Variants in MALRD1 observed in about 807,000 individuals in gnomAD.
MALRD1 encodes MAM and LDL-receptor class A domain-containing protein 1.
Under a neutral mutation model 242.1 loss-of-function variants are expected in MALRD1, and 247 were observed. That is an observed-to-expected ratio of 1.02 (90% CI 0.92 to 1.13). The LOEUF is 1.13. Ranked by LOEUF, MALRD1 falls within the 50% of genes most tolerant of loss-of-function variation. MALRD1 has a pLI of 0.00. For missense variants in MALRD1, 2,989 were observed against 2,533.1 expected, an observed-to-expected ratio of 1.18 and a Z score of -3.86; for synonymous variants, 995 against 866.6, an observed-to-expected ratio of 1.15 and a Z score of -2.60.
intron 33 of MALRD1, 48 bp from the exon 34 acceptor site, chr10:19,595,146 A>ACT (rs1838014705): frequency 6.6e-7 from 1 of 1,508,344 alleles, no homozygotes; most frequent in Admixed American, 2.0e-5. Context: ...CACTGGATGG[A>ACT]GGGAAACTCC....
intron 21 of MALRD1, among the ~76,000 whole-genome samples, chr10:19,301,212 A>C (rs906218220): frequency 3.3e-5 from 5 of 151,924 alleles, no homozygotes; most frequent in African/African-American, 1.2e-4. Context: ...AAAAATTAAC[A>C]CAGGCTGACG....
At chr10:19,265,636 T>C (rs1462339136) in intron 19 of MALRD1, among the ~76,000 whole-genome samples, 3 of 152,144 alleles carry the variant, frequency 2.0e-5, no homozygotes, top group Non-Finnish European at 4.4e-5. Context: ...TTTTGTGGAC[T>C]AACATATTAT....
intron 31 of MALRD1, among the ~76,000 whole-genome samples, chr10:19,527,974 C>T (rs76695645): frequency 6.6e-6 from 1 of 152,134 alleles, no homozygotes; most frequent in Non-Finnish European, 1.5e-5. Flanking sequence ...GAATAAGCCA[C>T]CGTTCATAGT....
chr10:19,123,646 A>G (rs996285611), intron 6 of MALRD1, 53 bp downstream of exon 6: 110 of 1,009,390 alleles, frequency 1.1e-4, no homozygotes, highest in Non-Finnish European at 1.4e-4. Flanking sequence ...AATATGTGAG[A>G]CTCAGACCAC....
chr10:19,625,697 G>A (rs1839622262), intron 36 of MALRD1, among the ~76,000 whole-genome samples: 1 of 152,118 alleles, frequency 6.6e-6, no homozygotes, highest in Non-Finnish European at 1.5e-5. Context: ...TGAATTAAAA[G>A]GGGGTACTGC....
chr10:19,592,446 G>C (rs1212989994), intron 33 of MALRD1, among the ~76,000 whole-genome samples: 1 of 152,224 alleles, frequency 6.6e-6, no homozygotes, highest in Non-Finnish European at 1.5e-5. Context: ...GTGTAACTCT[G>C]GAGGGCAATT....
chr10:19,255,096 A>T (rs576939594), intron 18 of MALRD1, among the ~76,000 whole-genome samples: 14 of 152,122 alleles, frequency 9.2e-5, no homozygotes, highest in Admixed American at 2.0e-4. Flanking sequence ...AGCAGGTGGC[A>T]GCCCATGCAA....
At chr10:19,284,218 G>C (rs1227661472) in intron 21 of MALRD1, among the ~76,000 whole-genome samples, 1 of 150,170 alleles carries the variant, frequency 6.7e-6, no homozygotes, top group Non-Finnish European at 1.5e-5. Context: ...ATTTTCTAGT[G>C]TTGTAAGCAT....
chr10:19,103,393 C>G (rs1481340437), intron 4 of MALRD1, among the ~76,000 whole-genome samples: 1 of 151,574 alleles, frequency 6.6e-6, no homozygotes, highest in East Asian at 2.0e-4. Context: ...AACCCTGTCT[C>G]TACTAAAAAT....
At chr10:19,342,011 T>C (rs1251304296) in intron 24 of MALRD1, among the ~76,000 whole-genome samples, 1 of 152,130 alleles carries the variant, frequency 6.6e-6, no homozygotes, top group African/African-American at 2.4e-5. Context: ...TAGCGTTCTC[T>C]AATTTCCAAG....
At chr10:19,219,582 G>A (rs565161277) in intron 18 of MALRD1, among the ~76,000 whole-genome samples, 10 of 152,030 alleles carry the variant, frequency 6.6e-5, no homozygotes, top group Non-Finnish European at 1.5e-4. Context: ...GCCTATAGGC[G>A]TGCACCACCA....
Position 19,429,178 on chromosome 10 carries a change from G to A in MALRD1, c.4846-21129G>A, listed in dbSNP as rs187011943. Among the ~76,000 whole-genome samples the A allele has an allele frequency of 2.0e-3, 306 of 152,284 alleles. 2 individuals are homozygous for A. Among genetic ancestry groups the A allele is most frequent in the African/African-American group, 6.6e-3 (274 of 41,564 alleles). Reference sequence around the variant, plus strand: ...AAATATGTATTACTGTTATCTTCACGTTACAACTGAGGAAAACAAAGCCAG... The same window carrying A: ...AAATATGTATTACTGTTATCTTCACATTACAACTGAGGAAAACAAAGCCAG... On this transcript the variant is annotated intron_variant, in intron 28 of 39. Coordinates refer to ENST00000454679, the MANE Select transcript of MALRD1 (RefSeq NM_001142308.3).
At chr10:19,122,912 G>C (rs1261217756) in intron 5 of MALRD1, among the ~76,000 whole-genome samples, 3 of 152,126 alleles carry the variant, frequency 2.0e-5, no homozygotes, top group Non-Finnish European at 4.4e-5. Context: ...TTTTAATAGA[G>C]ACGGGGTTTC....
chr10:19,695,458 G>C (rs1024140266), intron 38 of MALRD1, among the ~76,000 whole-genome samples: 1 of 151,616 alleles, frequency 6.6e-6, no homozygotes, highest in Non-Finnish European at 1.5e-5. Context: ...GTTTCATATG[G>C]CTGGGGAGGC....
intron 32 of MALRD1, among the ~76,000 whole-genome samples, chr10:19,561,036 A>G (rs577420031): frequency 1.8e-4 from 27 of 152,326 alleles, no homozygotes; most frequent in African/African-American, 6.3e-4. Flanking sequence ...TATCTAATAT[A>G]TCTAATGACA....
At chr10:19,049,366 C>A (rs1047636548) in intron 1 of MALRD1, among the ~76,000 whole-genome samples, 2 of 152,030 alleles carry the variant, frequency 1.3e-5, no homozygotes, top group Admixed American at 6.6e-5. Flanking sequence ...ATTTTTCAGT[C>A]AGTTTTTACT....
intron 19 of MALRD1, among the ~76,000 whole-genome samples, chr10:19,270,486 A>G (rs940849935): frequency 1.3e-5 from 2 of 152,162 alleles, no homozygotes; most frequent in African/African-American, 4.8e-5. Context: ...TTAAATGTCA[A>G]GCTGAGCTTA....
At chr10:19,379,302 A>C (rs1219313134) in intron 26 of MALRD1, among the ~76,000 whole-genome samples, 2 of 151,852 alleles carry the variant, frequency 1.3e-5, no homozygotes, top group African/African-American at 4.8e-5. Context: ...TCTTTAATGG[A>C]TATTTCCTCT....
chr10:19,699,034 C>T (rs146176049), intron 38 of MALRD1, among the ~76,000 whole-genome samples: 23 of 151,964 alleles, frequency 1.5e-4, no homozygotes, highest in Non-Finnish European at 2.8e-4. Flanking sequence ...CACACCGGGG[C>T]CTGTTGGGGG....
Sources: allele counts gnomAD v4.1 joint callset (sites outside exome capture counted in the v4.1 genomes callset), GRCh38; gene constraint gnomAD v4.1.1; transcripts MANE v1.5; gene names NCBI Gene and HGNC (gene_info 2026-07-23, HGNC 2026-07-21).